MAML2: variants seen among roughly 807,000 people sequenced by gnomAD.
The protein encoded by MAML2 is mastermind like transcriptional coactivator 2.
Under a neutral mutation model 96.1 loss-of-function variants are expected in MAML2, and 22 were observed. That is an observed-to-expected ratio of 0.23 (90% CI 0.16 to 0.33). The LOEUF (loss-of-function observed/expected upper bound fraction) is 0.33. Among genes scored for constraint, MAML2 ranks in the 10% least tolerant of loss-of-function variants. MAML2 has a pLI of 1.00. For synonymous variants in MAML2, 561 were observed against 521.3 expected, an observed-to-expected ratio of 1.08 and a Z score of -1.04; for missense variants, 1,367 against 1,392.4, an observed-to-expected ratio of 0.98 and a Z score of 0.29.
intron 1 of MAML2, among the ~76,000 whole-genome samples, chr11:96,301,326 A>C: frequency 6.6e-6 from 1 of 152,216 alleles, no homozygotes; most frequent in Non-Finnish European, 1.5e-5. Context: ...TACAGAATTA[A>C]GAAGATGCTC....
intron 1 of MAML2, among the ~76,000 whole-genome samples, chr11:96,272,538 A>G (rs534906778): frequency 5.1e-4 from 78 of 152,330 alleles, no homozygotes; most frequent in African/African-American, 1.8e-3. Flanking sequence ...ATATATTTAA[A>G]TACCTTCCAA....
intron 2 of MAML2, among the ~76,000 whole-genome samples, chr11:96,063,160 G>A (rs1859194297): frequency 6.6e-6 from 1 of 152,064 alleles, no homozygotes; most frequent in Non-Finnish European, 1.5e-5. Context: ...ATTGCTCCTT[G>A]GCCTGGGACA....
chr11:96,091,274 C>T (rs1220468016), intron 2 of MAML2, among the ~76,000 whole-genome samples: 1 of 152,164 alleles, frequency 6.6e-6, no homozygotes, highest in South Asian at 2.1e-4. Flanking sequence ...AAACTCTGTG[C>T]TCTCATACCT....
intron 1 of MAML2, among the ~76,000 whole-genome samples, chr11:96,305,007 A>G (rs1294421422): frequency 6.6e-6 from 1 of 152,198 alleles, no homozygotes; most frequent in East Asian, 1.9e-4. Context: ...TCACTTAAGG[A>G]AAAGGAATTA....
intron 2 of MAML2, among the ~76,000 whole-genome samples, chr11:96,053,603 G>C (rs748639524): frequency 1.3e-5 from 2 of 150,702 alleles, no homozygotes; most frequent in African/African-American, 2.5e-5. Flanking sequence ...GTCTGGAAGA[G>C]AGAAGGAGGG....
Position 96,123,547 on chromosome 11 carries a change from C to T in MAML2, c.514-30030G>A, listed in dbSNP as rs1317675800. Among the ~76,000 whole-genome samples the T allele has an allele frequency of 3.3e-5, 5 of 152,206 alleles. No individual in the cohort carries two copies. In the East Asian group the frequency reaches 5.8e-4, roughly 18 times the overall value. On this transcript the variant is annotated intron_variant, in intron 1 of 4. Coordinates refer to ENST00000524717, the MANE Select transcript of MAML2 (RefSeq NM_032427.4). ...GCCCCCAACTAGGCTACGGTGCTTC[C>T]GTCCTGTACAGAGAAGTCTGAATTC...
chr11:96,084,223 A>G (rs1591002219), intron 2 of MAML2, among the ~76,000 whole-genome samples: 1 of 152,164 alleles, frequency 6.6e-6, no homozygotes, highest in Non-Finnish European at 1.5e-5. Context: ...CTTCGGCAGG[A>G]TTCAGATCAT....
chr11:96,275,120 C>T (rs1862969340), intron 1 of MAML2, among the ~76,000 whole-genome samples: 3 of 152,194 alleles, frequency 2.0e-5, no homozygotes, highest in African/African-American at 4.8e-5. Context: ...ATTTAGGTTA[C>T]TTGCCCCTTT....
intron 1 of MAML2, among the ~76,000 whole-genome samples, chr11:96,268,290 C>T (rs762253495): frequency 6.6e-6 from 1 of 152,004 alleles, no homozygotes; most frequent in South Asian, 2.1e-4. Flanking sequence ...GCCTGGGCAA[C>T]ATAGCAAGAC....
chr11:96,304,215 C>T (rs1462106187), intron 1 of MAML2, among the ~76,000 whole-genome samples: 1 of 152,126 alleles, frequency 6.6e-6, no homozygotes, highest in African/African-American at 2.4e-5. Flanking sequence ...CTGCTGAGGC[C>T]TGGTTCACTC....
At chr11:96,263,736 AG>A (rs1862782402) in intron 1 of MAML2, among the ~76,000 whole-genome samples, 1 of 152,156 alleles carries the variant, frequency 6.6e-6, no homozygotes, top group Non-Finnish European at 1.5e-5. Flanking sequence ...GCAGGTATGG[AG>A]GGGGGCTGGT....
chr11:96,148,784 T>C (rs901449374), intron 1 of MAML2, among the ~76,000 whole-genome samples: 9 of 151,862 alleles, frequency 5.9e-5, no homozygotes, highest in African/African-American at 1.5e-4. Flanking sequence ...ACAGCACATG[T>C]GTGAGCTGAT....
intron 1 of MAML2, among the ~76,000 whole-genome samples, chr11:96,321,883 AT>A (rs1013719194): frequency 6.6e-6 from 1 of 152,050 alleles, no homozygotes; most frequent in Non-Finnish European, 1.5e-5. Flanking sequence ...CTAAATGCCA[AT>A]TTTTTTTAAA....
At chr11:96,079,611 G>C (rs1033607507) in intron 2 of MAML2, among the ~76,000 whole-genome samples, 1 of 152,174 alleles carries the variant, frequency 6.6e-6, no homozygotes, top group Non-Finnish European at 1.5e-5. Flanking sequence ...GCATATAGTA[G>C]GTGCTCAACA....
intron 1 of MAML2, among the ~76,000 whole-genome samples, chr11:96,101,353 C>G (rs1859927009): frequency 1.3e-5 from 2 of 152,206 alleles, no homozygotes; most frequent in South Asian, 2.1e-4. Context: ...CCATCACTTC[C>G]CTGTGGAGAA....
intron 1 of MAML2, among the ~76,000 whole-genome samples, chr11:96,210,467 T>C (rs1184637223): frequency 1.3e-5 from 2 of 152,228 alleles, no homozygotes; most frequent in African/African-American, 4.8e-5. Context: ...AAATGATTTA[T>C]CAGTTACTTA....
At chr11:96,086,750 GA>G (rs1330859172) in intron 2 of MAML2, among the ~76,000 whole-genome samples, 1 of 152,154 alleles carries the variant, frequency 6.6e-6, no homozygotes, top group South Asian at 2.1e-4. Context: ...AGCTTAGCTA[GA>G]GCTAAGAATG....
chr11:96,125,541 G>A (rs1048263588), intron 1 of MAML2, among the ~76,000 whole-genome samples: 1 of 152,156 alleles, frequency 6.6e-6, no homozygotes, highest in East Asian at 1.9e-4. Context: ...CAGGGGAGAA[G>A]CAGGTTCTGC....
intron 1 of MAML2, among the ~76,000 whole-genome samples, chr11:96,230,271 T>C (rs1358400949): frequency 6.6e-6 from 1 of 152,174 alleles, no homozygotes; most frequent in Non-Finnish European, 1.5e-5. Flanking sequence ...TAAAAATACA[T>C]CAAAATTCAT....
Sources: gnomAD v4.1 joint callset for allele counts (sites outside exome capture counted in the v4.1 genomes callset) on GRCh38, gnomAD v4.1.1 for gene constraint, MANE v1.5 for transcripts, NCBI Gene and HGNC (gene_info 2026-07-23, HGNC 2026-07-21) for gene names.